ATP10B: variants seen among roughly 807,000 people sequenced by gnomAD.
ATP10B encodes the protein ATPase phospholipid transporting 10B (putative).
Under a neutral mutation model 141.2 loss-of-function variants are expected in ATP10B, and 122 were observed. The ratio of observed to expected loss-of-function variants is 0.86; its 90% CI spans 0.75 to 1.00. The LOEUF is 1.00. Among genes scored for constraint, ATP10B ranks in the 50% least tolerant of loss-of-function variants. The probability of loss-of-function intolerance (pLI) is 0.00; values close to 1 mark genes in which losing one functional copy is unlikely to be tolerated. For missense variants in ATP10B, 1,876 were observed against 1,825.3 expected (o/e 1.03, Z -0.51); for synonymous variants, 685 against 692.0 (o/e 0.99, Z 0.16).
At chr5:160,818,453 C>A (rs1304475487) in intron 1 of ATP10B, among the ~76,000 whole-genome samples, 2 of 152,148 alleles carry the variant, frequency 1.3e-5, no homozygotes, top group Non-Finnish European at 1.5e-5. Context: ...CAATGAGATA[C>A]CATCTCACAC....
the ATP10B span, among the ~76,000 whole-genome samples, chr5:160,899,605 CAG>C: frequency 3.3e-5 from 5 of 152,100 alleles, no homozygotes; most frequent in Admixed American, 6.6e-5. Context: ...TTATACTTTT[CAG>C]AGAGAGTTCT....
At chr5:160,663,719 A>G (rs1356225543) in intron 7 of ATP10B, among the ~76,000 whole-genome samples, 14 of 150,032 alleles carry the variant, frequency 9.3e-5, no homozygotes, top group South Asian at 2.1e-4. Flanking sequence ...CAGCACACCA[A>G]CATGGCACAT....
At chr5:160,801,990 G>A (rs1238669086) in intron 1 of ATP10B, among the ~76,000 whole-genome samples, 1 of 152,152 alleles carries the variant, frequency 6.6e-6, no homozygotes, top group Non-Finnish European at 1.5e-5. Flanking sequence ...AAACATGATG[G>A]TCAAGATGAA....
At chr5:160,838,901 T>A (rs1454102868) in intron 1 of ATP10B, among the ~76,000 whole-genome samples, 1 of 152,126 alleles carries the variant, frequency 6.6e-6, no homozygotes, top group Admixed American at 6.6e-5. Flanking sequence ...TTGGTGATAA[T>A]TGAGTTCTCA....
intron 25 of ATP10B, among the ~76,000 whole-genome samples, chr5:160,567,524 G>A (rs1024009808): frequency 1.3e-5 from 2 of 152,180 alleles, no homozygotes; most frequent in Non-Finnish European, 2.9e-5. Flanking sequence ...GATTTGAAAA[G>A]TATTTGTTGA....
At chr5:160,842,122 G>A (rs978609967) in intron 1 of ATP10B, among the ~76,000 whole-genome samples, 2 of 152,122 alleles carry the variant, frequency 1.3e-5, no homozygotes, top group African/African-American at 4.8e-5. Flanking sequence ...TGAAATGATA[G>A]ACATGTTTTC....
At chr5:160,827,358 G>A (rs1343921801) in intron 1 of ATP10B, among the ~76,000 whole-genome samples, 1 of 152,164 alleles carries the variant, frequency 6.6e-6, no homozygotes, top group Non-Finnish European at 1.5e-5. Context: ...AGTCTGACTG[G>A]TGTGAGATGG....
intron 2 of ATP10B, among the ~76,000 whole-genome samples, chr5:160,758,024 T>C (rs551733044): frequency 5.3e-5 from 8 of 152,290 alleles, no homozygotes; most frequent in African/African-American, 1.9e-4. Context: ...TTATAGAAGA[T>C]ACAAATAGTA....
intron 21 of ATP10B, among the ~76,000 whole-genome samples, chr5:160,600,103 G>T (rs1757002123): frequency 6.6e-6 from 1 of 152,116 alleles, no homozygotes; most frequent in African/African-American, 2.4e-5. Context: ...TACATCATTG[G>T]ATGTGCAATA....
chr5:160,799,161 T>C (rs1315126257), intron 1 of ATP10B, among the ~76,000 whole-genome samples: 1 of 152,022 alleles, frequency 6.6e-6, no homozygotes, highest in Non-Finnish European at 1.5e-5. Flanking sequence ...GTGTCTCAAA[T>C]GAGTAAAAAG....
intron 3 of ATP10B, chr5:160,691,625 C>A (rs1435494742): frequency 1.3e-5 from 2 of 152,148 alleles, no homozygotes; most frequent in East Asian, 3.9e-4. Flanking sequence ...CCCAGCTTGT[C>A]ATGGTAAATA....
In ATP10B at chr5:160,688,408, G is replaced by A. The variant is rs564289468; in HGVS notation, c.-20-314C>T. Among the ~76,000 whole-genome samples the A allele has an allele frequency of 5.3e-5, 8 of 152,262 alleles. No individual in the cohort carries two copies. The South Asian group carries it at 1.7e-3, about 32-fold the overall frequency. ...ACATGCTCCTAACACTGGAATACGT[G>A]CCATGGGAGCATTGAAGTGGGTGGG... is the stretch of plus-strand genomic sequence containing the variant. On this transcript the variant is annotated intron_variant, in intron 4 of 25. Transcript: ENST00000327245.
intron 1 of ATP10B, among the ~76,000 whole-genome samples, chr5:160,815,719 C>G (rs143292162): frequency 9.9e-5 from 15 of 152,100 alleles, no homozygotes; most frequent in Non-Finnish European, 1.6e-4. Flanking sequence ...ATTCTTTTCA[C>G]CACCACACAA....
intron 18 of ATP10B, among the ~76,000 whole-genome samples, chr5:160,607,865 C>A (rs1321300328): frequency 1.3e-5 from 2 of 151,986 alleles, no homozygotes; most frequent in Non-Finnish European, 2.9e-5. Flanking sequence ...CAAATTTATT[C>A]TTGATATCAA....
chr5:160,862,597 C>T, the ATP10B span, among the ~76,000 whole-genome samples: 1 of 151,932 alleles, frequency 6.6e-6, no homozygotes. Flanking sequence ...TGTCACTAAC[C>T]TAATTGGCTT....
At chr5:160,872,040 A>C in the ATP10B span, among the ~76,000 whole-genome samples, 6 of 152,084 alleles carry the variant, frequency 3.9e-5, no homozygotes, top group African/African-American at 1.2e-4. Context: ...ACACTTCTAC[A>C]TCTGCACCAA....
chr5:160,871,223 CATATA>C, the ATP10B span, among the ~76,000 whole-genome samples: 3 of 151,834 alleles, frequency 2.0e-5, no homozygotes, highest in East Asian at 5.8e-4. Flanking sequence ...TGCTTTATTC[CATATA>C]TATGTATATA....
the ATP10B span, among the ~76,000 whole-genome samples, chr5:160,861,129 A>AT: frequency 6.6e-6 from 1 of 151,848 alleles, no homozygotes; most frequent in African/African-American, 2.4e-5. Context: ...TATCAAGTGC[A>AT]TTTTGTACCA....
chr5:160,573,913 G>T (rs539366926), intron 24 of ATP10B, among the ~76,000 whole-genome samples: 1 of 152,142 alleles, frequency 6.6e-6, no homozygotes, highest in Admixed American at 6.5e-5. Flanking sequence ...TATTAAGAAC[G>T]ATGTAACATT....
Sources: gnomAD v4.1 joint callset for allele counts (sites outside exome capture counted in the v4.1 genomes callset) on GRCh38, gnomAD v4.1.1 for gene constraint, MANE v1.5 for transcripts, NCBI Gene and HGNC (gene_info 2026-07-23, HGNC 2026-07-21) for gene names.